TUT4: variants seen among roughly 807,000 people sequenced by gnomAD.
TUT4 encodes terminal uridylyltransferase 4.
Under a neutral mutation model 192.2 loss-of-function variants are expected in TUT4, and 36 were observed. The observed-to-expected ratio is 0.19, with a 90% confidence interval of 0.14 to 0.25. The LOEUF is 0.25. Among genes scored for constraint, TUT4 ranks in the 10% least tolerant of loss-of-function variants. The pLI, the probability that TUT4 is intolerant of heterozygous loss-of-function variation, is 1.00. For synonymous variants in TUT4, 618 were observed against 666.0 expected, an observed-to-expected ratio of 0.93 and a Z score of 1.11; for missense variants, 1,493 against 1,957.2, an observed-to-expected ratio of 0.76 and a Z score of 4.47.
At chr1:52,436,731 CTA>C in intron 26 of TUT4, 22 bp downstream of exon 26, 1 of 1,611,384 alleles carries the variant, frequency 6.2e-7, no homozygotes, top group Middle Eastern at 2.2e-4. Flanking sequence ...CTACCAGAAA[CTA>C]TGTTTGGCCT....
At position 52,552,754 on chromosome 1, in the gene TUT4, G is replaced by A. The variant is rs570266933; in HGVS notation, c.-94+177C>T. On this transcript the variant is annotated intron_variant, in intron 1 of 29. Coordinates refer to ENST00000257177, the MANE Select transcript of TUT4 (RefSeq NM_001009881.3). ...TCAGCCTTCCCCTGGGACACCCGAA[G>A]CCCGTTCCAGGAAAGAAAGAAGTGT... Among the ~76,000 whole-genome samples, 15 of 152,298 alleles carry A rather than the reference G, an allele frequency of 9.8e-5. No individual in the cohort carries two copies. The South Asian group carries it at 2.9e-3, about 29-fold the overall frequency.
chr1:52,426,317 C>A (rs971830116), intron 28 of TUT4, among the ~76,000 whole-genome samples: 6 of 152,120 alleles, frequency 3.9e-5, no homozygotes, highest in Non-Finnish European at 7.3e-5. Context: ...TAGGTAGGTA[C>A]TCAAAAAATG....
At chr1:52,492,284 G>A (rs1671354205) in intron 7 of TUT4, among the ~76,000 whole-genome samples, 1 of 152,060 alleles carries the variant, frequency 6.6e-6, no homozygotes, top group African/African-American at 2.4e-5. Flanking sequence ...AGCTGATTGT[G>A]TGGACAGAAA....
chr1:52,497,674 T>C (rs1442600357), intron 4 of TUT4, among the ~76,000 whole-genome samples: 1 of 152,236 alleles, frequency 6.6e-6, no homozygotes, highest in African/African-American at 2.4e-5. Context: ...ACCTCTATTC[T>C]GCTAAAAGTT....
intron 20 of TUT4, among the ~76,000 whole-genome samples, chr1:52,449,256 A>G (rs564178150): frequency 2.0e-5 from 3 of 152,284 alleles, no homozygotes; most frequent in African/African-American, 4.8e-5. Flanking sequence ...CATTTCCAAA[A>G]TTCTTATCTT....
At chr1:52,449,964 G>A (rs1329366467) in intron 20 of TUT4, among the ~76,000 whole-genome samples, 2 of 152,074 alleles carry the variant, frequency 1.3e-5, no homozygotes, top group African/African-American at 2.4e-5. Flanking sequence ...GCTGATATGG[G>A]TTAAAAAAAT....
intron 20 of TUT4, among the ~76,000 whole-genome samples, chr1:52,448,575 C>T (rs149701147): frequency 1.5e-4 from 17 of 113,714 alleles, no homozygotes; most frequent in African/African-American, 4.3e-4. Context: ...GGTGACTAAG[C>T]GAGATTCTGT....
chr1:52,446,632 A>C lies in TUT4; in HGVS notation c.3471T>G (p.Val1157=), dbSNP rs762016731. ...CAAAGAAGAAAGCATTCCATCCATCAACCATTCTCTGTGGAATCTGTTTTC... is the reference window on the plus strand; with the variant it reads ...CAAAGAAGAAAGCATTCCATCCATCCACCATTCTCTGTGGAATCTGTTTTC... ...FDGKQIPQRM[V]DGWNAFFFDK... The change falls in exon 21 of 30, where the codon GTT becomes GTG. Residue 1157 remains valine, a synonymous_variant. Transcript: ENST00000257177. 3.7e-6 allele frequency: 6 copies of C among 1,606,280 alleles called. No individual in the cohort carries two copies. In the African/African-American group the frequency reaches 8.1e-5, roughly 22 times the overall value.
chr1:52,540,974 G>A (rs1482411975), intron 1 of TUT4, among the ~76,000 whole-genome samples: 1 of 152,140 alleles, frequency 6.6e-6, no homozygotes, highest in African/African-American at 2.4e-5. Flanking sequence ...AGTAGGCCGA[G>A]GCAGGCAGAT....
At chr1:52,538,374 A>G (rs1351489248) in intron 1 of TUT4, 2 of 152,118 alleles carry the variant, frequency 1.3e-5, no homozygotes, top group South Asian at 2.1e-4. Context: ...CTGAGAAAAA[A>G]AAAGGGAGCT....
intron 4 of TUT4, among the ~76,000 whole-genome samples, chr1:52,498,902 T>TTTTATATA (rs1673233360): frequency 4.3e-5 from 1 of 23,312 alleles, no homozygotes; most frequent in Non-Finnish European, 7.3e-5. Context: ...AAAAAAAAAA[T>TTTTATATA]TATATATATA....
chr1:52,443,735 C>A (rs562584227), intron 24 of TUT4, among the ~76,000 whole-genome samples: 2 of 152,104 alleles, frequency 1.3e-5, no homozygotes, highest in Admixed American at 1.3e-4. Context: ...TGCACTCCAG[C>A]CTGGGGACAA....
chr1:52,479,997 G>GA (rs375149209), intron 11 of TUT4, among the ~76,000 whole-genome samples: 4,139 of 66,854 alleles, frequency 0.062, 167 homozygotes, highest in African/African-American at 0.13. Context: ...TCCGTCTCAG[G>GA]AAAAAAAAAA....
chr1:52,497,734 T>C (rs1672816655), intron 4 of TUT4, among the ~76,000 whole-genome samples: 1 of 152,212 alleles, frequency 6.6e-6, no homozygotes. Flanking sequence ...GCTATATATA[T>C]GCAATGACTT....
intron 28 of TUT4, among the ~76,000 whole-genome samples, chr1:52,427,194 A>C (rs932683521): frequency 6.6e-6 from 1 of 152,174 alleles, no homozygotes; most frequent in African/African-American, 2.4e-5. Flanking sequence ...GCACAGTAAG[A>C]CAAATGTTAT....
intron 1 of TUT4, chr1:52,529,727 C>A (rs1487577719): frequency 6.6e-6 from 1 of 151,958 alleles, no homozygotes; most frequent in East Asian, 1.9e-4. Flanking sequence ...TATACATAAA[C>A]AAAAGCTACA....
chr1:52,543,330 T>C (rs760265993), intron 1 of TUT4, among the ~76,000 whole-genome samples: 3 of 152,020 alleles, frequency 2.0e-5, no homozygotes, highest in Non-Finnish European at 4.4e-5. Flanking sequence ...AAAAATTCCA[T>C]TTACAATACC....
chr1:52,439,068 T>TAAAAA (rs984014427), intron 24 of TUT4, among the ~76,000 whole-genome samples: 3 of 79,322 alleles, frequency 3.8e-5, no homozygotes, highest in Admixed American at 1.5e-4. Flanking sequence ...AGACTCCATC[T>TAAAAA]AAAAAAAAAA....
At chr1:52,453,100 G>A (rs1174767445) in intron 20 of TUT4, among the ~76,000 whole-genome samples, 1 of 152,048 alleles carries the variant, frequency 6.6e-6, no homozygotes, top group African/African-American at 2.4e-5. Context: ...AAAACATTTT[G>A]GGGGCTGGGC....
Sources: allele counts gnomAD v4.1 joint callset (sites outside exome capture counted in the v4.1 genomes callset), GRCh38; gene constraint gnomAD v4.1.1; transcripts MANE v1.5; gene names NCBI Gene and HGNC (gene_info 2026-07-23, HGNC 2026-07-21).